The following EIF4E3 variants were observed in gnomAD, a reference collection of about 807,000 sequenced individuals.
The protein encoded by EIF4E3 is eukaryotic translation initiation factor 4E type 3.
A neutral mutation model predicts 31.7 loss-of-function variants in EIF4E3; 26 were observed. The observed-to-expected ratio is 0.82, with a 90% CI of 0.60 to 1.14. The LOEUF (loss-of-function observed/expected upper bound fraction) is 1.14, where lower values mean the gene tolerates loss of function less well. EIF4E3 is among the 50% of genes most tolerant of loss of function. EIF4E3 has a pLI of 0.00. For missense variants in EIF4E3, 304 were observed against 270.9 expected (o/e 1.12, Z -0.86); for synonymous variants, 128 against 107.7 (o/e 1.19, Z -1.17).
In EIF4E3 at chr3:71,682,508, TTAAA is replaced by T. The variant is rs2048935900; in HGVS notation, c.*2170_*2173del. ...TTAGTTCATACAAAGTCTATTATGA[TTAAA>T]TATTCAATTAAAACAATTTCCAAAC... On this transcript the variant is annotated 3_prime_UTR_variant, in exon 7 of 7. Transcript: ENST00000425534. 1 of 152,246 alleles carries T rather than the reference TTAAA, an allele frequency of 6.6e-6. No homozygotes were observed. Among genetic ancestry groups the T allele is most frequent in the African/African-American group, 2.4e-5 (1 of 41,466 alleles). 9.4% of individuals were successfully genotyped at this position (152,246 alleles called of 1,614,324 possible).
intron 4 of EIF4E3, among the ~76,000 whole-genome samples, chr3:71,694,286 T>C (rs1395452591): frequency 1.3e-5 from 2 of 152,246 alleles, no homozygotes; most frequent in South Asian, 2.1e-4. Context: ...ATTCAAAACA[T>C]AGAAGCTGAT....
chr3:71,672,876 A>G (rs2048854444), downstream of EIF4E3, among the ~76,000 whole-genome samples: 1 of 152,190 alleles, frequency 6.6e-6, no homozygotes, highest in African/African-American at 2.4e-5. Context: ...TTTAAAAAAT[A>G]GAGTTATCAG....
chr3:71,712,479 C>T (rs985686618), intron 1 of EIF4E3, among the ~76,000 whole-genome samples: 2 of 152,028 alleles, frequency 1.3e-5, no homozygotes, highest in African/African-American at 4.8e-5. Flanking sequence ...AGACTGTTAG[C>T]ATGAAAAATC....
chr3:71,714,269 G>T (rs201666608), intron 1 of EIF4E3, among the ~76,000 whole-genome samples: 2 of 104,186 alleles, frequency 1.9e-5, no homozygotes, highest in African/African-American at 8.4e-5. Flanking sequence ...AAGGAAGGAA[G>T]GAAAGAAGGA....
upstream of EIF4E3, among the ~76,000 whole-genome samples, chr3:71,753,879 C>A (rs970091189): frequency 6.8e-6 from 1 of 146,962 alleles, no homozygotes; most frequent in East Asian, 2.0e-4. Flanking sequence ...GGCGGCGGCA[C>A]AGCGGCGGCT....
At chr3:71,711,717 C>G (rs1003412283) in intron 1 of EIF4E3, among the ~76,000 whole-genome samples, 1 of 152,184 alleles carries the variant, frequency 6.6e-6, no homozygotes, top group Non-Finnish European at 1.5e-5. Flanking sequence ...TGGCTCATGA[C>G]TGTAATCCAA....
At chr3:71,684,847 C>T (rs2048970311) in intron 6 of EIF4E3, 119 bp from the exon 7 acceptor site, 2 of 929,268 alleles carry the variant, frequency 2.2e-6, no homozygotes, top group East Asian at 2.7e-5. Context: ...AGAACTCAAA[C>T]ACCTTATTTA....
intron 1 of EIF4E3, among the ~76,000 whole-genome samples, chr3:71,711,593 C>A (rs2049379809): frequency 1.3e-5 from 2 of 152,196 alleles, no homozygotes; most frequent in South Asian, 4.1e-4. Context: ...GCCAAAGGCC[C>A]ATGCCCAGGT....
intron 4 of EIF4E3, 25 bp downstream of exon 4, chr3:71,696,435 T>A: frequency 6.2e-7 from 1 of 1,613,754 alleles, no homozygotes; most frequent in Non-Finnish European, 8.5e-7. Flanking sequence ...TCGCCGGTTC[T>A]AGAAGAGGAT....
the EIF4E3 span, among the ~76,000 whole-genome samples, chr3:71,660,523 A>C: frequency 7.2e-5 from 11 of 152,296 alleles, no homozygotes; most frequent in South Asian, 1.0e-3. Flanking sequence ...GCGACATCTG[A>C]ATAGACCAGA....
chr3:71,664,157 A>C, the EIF4E3 span, among the ~76,000 whole-genome samples: 1 of 152,210 alleles, frequency 6.6e-6, no homozygotes, highest in African/African-American at 2.4e-5. Context: ...TGCATCACCA[A>C]GTCCCAGTCC....
At chr3:71,751,486 G>C (rs781624306) in intron 1 of EIF4E3, among the ~76,000 whole-genome samples, 8 of 152,218 alleles carry the variant, frequency 5.3e-5, no homozygotes, top group Non-Finnish European at 5.9e-5. Context: ...AAAGCAACCA[G>C]AGTTGGTGAA....
At chr3:71,740,322 AC>A (rs2049806898) in intron 1 of EIF4E3, among the ~76,000 whole-genome samples, 1 of 152,226 alleles carries the variant, frequency 6.6e-6, no homozygotes, top group African/African-American at 2.4e-5. Flanking sequence ...AAAAGCAAGA[AC>A]CAACAATAAG....
At chr3:71,731,828 G>A (rs2049709521) in intron 1 of EIF4E3, among the ~76,000 whole-genome samples, 2 of 152,118 alleles carry the variant, frequency 1.3e-5, no homozygotes. Context: ...CTGGAATCTA[G>A]CCTTTGAAAT....
intron 1 of EIF4E3, among the ~76,000 whole-genome samples, chr3:71,743,314 A>G (rs1183992709): frequency 1.3e-5 from 2 of 152,206 alleles, no homozygotes; most frequent in African/African-American, 4.8e-5. Flanking sequence ...TCAATATACA[A>G]AAATCAATTA....
chr3:71,663,045 C>A, the EIF4E3 span, among the ~76,000 whole-genome samples: 1 of 152,094 alleles, frequency 6.6e-6, no homozygotes, highest in South Asian at 2.1e-4. Flanking sequence ...CCCATGAATA[C>A]TCAAAACTGA....
chr3:71,739,081 A>G (rs1032111704), intron 1 of EIF4E3, among the ~76,000 whole-genome samples: 5 of 149,378 alleles, frequency 3.3e-5, no homozygotes, highest in Admixed American at 3.3e-4. Context: ...CAACATATTA[A>G]AGCATGTCAG....
intron 6 of EIF4E3, among the ~76,000 whole-genome samples, chr3:71,688,979 C>T (rs1475864108): frequency 6.6e-6 from 1 of 152,158 alleles, no homozygotes; most frequent in Admixed American, 6.5e-5. Flanking sequence ...CTAGGATACT[C>T]ACAAAACAAA....
At chr3:71,751,992 T>A (rs1467159222) in intron 1 of EIF4E3, among the ~76,000 whole-genome samples, 4 of 152,210 alleles carry the variant, frequency 2.6e-5, no homozygotes, top group Admixed American at 6.5e-5. Flanking sequence ...CTCCAAAATC[T>A]ATTTTCTATC....
Sources: gnomAD v4.1 joint callset for allele counts (sites outside exome capture counted in the v4.1 genomes callset) on GRCh38, gnomAD v4.1.1 for gene constraint, MANE v1.5 for transcripts, NCBI Gene and HGNC (gene_info 2026-07-23, HGNC 2026-07-21) for gene names.